GRIK5: variants seen among roughly 807,000 people sequenced by gnomAD.
GRIK5 encodes the protein glutamate receptor ionotropic, kainate 5.
A neutral mutation model predicts 97.4 loss-of-function variants in GRIK5; 43 were observed. That is an observed-to-expected ratio of 0.44 (90% CI 0.35 to 0.57). The LOEUF (loss-of-function observed/expected upper bound fraction) is 0.57, where lower values mean the gene tolerates loss of function less well. Ranked by LOEUF, GRIK5 falls within the 20% of genes least tolerant of loss-of-function variation. The probability of loss-of-function intolerance (pLI) is 0.01; values close to 1 mark genes in which losing one functional copy is unlikely to be tolerated. For synonymous variants in GRIK5, 580 were observed against 583.5 expected (o/e 0.99, Z 0.09); for missense variants, 1,015 against 1,382.0 (o/e 0.73, Z 4.21).
chr19:42,069,014 A>G, intron 1 of GRIK5: 1 of 516,992 alleles, frequency 1.9e-6, no homozygotes, highest in Non-Finnish European at 3.5e-6. Flanking sequence ...CCAGAAAGCT[A>G]GAGGGCCAGG....
rs187063312 is a variant in GRIK5 at position 42,016,916 on chromosome 19, T to C, written c.1871+4385A>G. ...TCTGTGATTATCTGAGCCTAACTCCTTGGTACATTAAAAACCCAAGTTTTT... is the reference window on the plus strand; with the variant it reads ...TCTGTGATTATCTGAGCCTAACTCCCTGGTACATTAAAAACCCAAGTTTTT... On this transcript the variant is annotated intron_variant, in intron 15 of 19. Transcript: ENST00000593562. 8.6e-4 allele frequency among the ~76,000 whole-genome samples: 131 copies of C among 152,154 alleles called. 2 individuals carry two copies. Among genetic ancestry groups the C allele is most frequent in the Non-Finnish European group, 1.7e-3 (113 of 67,992 alleles).
At chr19:42,052,560 C>T (rs950704560) in intron 11 of GRIK5, among the ~76,000 whole-genome samples, 4 of 152,252 alleles carry the variant, frequency 2.6e-5, no homozygotes, top group Non-Finnish European at 4.4e-5. Context: ...GGCCCTCTAA[C>T]ATCCTGCAAA....
At chr19:42,012,488 C>G (rs967362701) in intron 15 of GRIK5, among the ~76,000 whole-genome samples, 2 of 152,110 alleles carry the variant, frequency 1.3e-5, no homozygotes, top group African/African-American at 4.8e-5. Context: ...TGAGCTCAGG[C>G]AATCCGCCCG....
chr19:42,042,721 T>G lies in GRIK5; in HGVS notation c.1304A>C (p.Gln435Pro). 6.2e-7 allele frequency: 1 copy of G among 1,613,658 alleles called. No homozygotes were observed. The highest frequency in any genetic ancestry group is 8.5e-7 in the Non-Finnish European group (1 of 1,179,976). ...GAAGCGTTCGTTCCCCGACAGGGCC[T>G]GGAAGTTGGGCCGGCGCATGACGTA... Reference protein sequence around the residue: ...NPYVMRRPNFQALSGNERFEG... With the variant: ...NPYVMRRPNFPALSGNERFEG... The change falls in exon 12 of 20, where the codon CAG becomes CCG. Residue 435 changes from glutamine to proline, a missense_variant. By Grantham distance (76) the Gln-to-Pro change is moderately conservative. Transcript: ENST00000593562. The surrounding 1 kb of genome is among the most constrained non-coding windows in gnomAD (Gnocchi z 6.9).
Position 42,062,336 on chromosome 19 carries a change from G to A in GRIK5, c.508+152C>T. The A allele has an allele frequency of 1.4e-6, 1 of 691,974 alleles. No homozygotes were observed. The highest frequency in any genetic ancestry group is 1.9e-5 in the South Asian group (1 of 52,744). The allele number at this position is 691,974 out of a possible 1,614,324, so 42.9% of individuals were successfully genotyped here. A position where few individuals can be genotyped will look rare whatever the true frequency, so the allele number is the denominator to read the frequency against. On this transcript the variant is annotated intron_variant, in intron 5 of 19. Coordinates refer to ENST00000593562, the MANE Select transcript of GRIK5 (RefSeq NM_002088.5). This position sits in a 1 kb window ranked among gnomAD's most constrained non-coding sequence, Gnocchi z 5.3. ...GGGAGAGAAGGGGTCTGTAGAACCA[G>A]AGGCCTCGGTTTCTGAAGATGGGAG...
At position 42,065,260 on chromosome 19, in the gene GRIK5, C is replaced by G. The variant is rs773597623; in HGVS notation, c.207G>C (p.Glu69Asp). ...TCTCGTACTGGCTGTCCCGCTGCAG[C>G]TCAAAGATGTCTACTTCCACTCGGG... ...AKARVEVDIF[E>D]LQRDSQYETT... Residue 69 changes from glutamate (E) to aspartate (D), a missense_variant, in exon 3 of 20, where the codon GAG becomes GAC. Around this residue, in one of 5 missense-constraint regions of GRIK5, gnomAD observed 198 missense variants for 218.2 expected, o/e 0.91. Transcript: ENST00000593562. The surrounding 1 kb of genome is among the most constrained non-coding windows in gnomAD (Gnocchi z 5.8). The G allele has an allele frequency of 6.2e-7, 1 of 1,613,256 alleles. No individual in the cohort carries two copies. The highest frequency in any genetic ancestry group is 1.7e-5 in the Admixed American group (1 of 59,982).
Position 42,002,557 on chromosome 19 carries a change from G to C in GRIK5, c.2514+775C>G, listed in dbSNP as rs1437073404. ...ATGCAGAGCTGGGGTCTGGGGAGTA[G>C]ATGTAAGGTCAGCCGCTGGATGTGA... is the stretch of plus-strand genomic sequence containing the variant. On this transcript the variant is annotated intron_variant, in intron 19 of 19. Transcript: ENST00000593562. This position sits in a 1 kb window ranked among gnomAD's most constrained non-coding sequence, Gnocchi z 5.2. 4.5e-6 allele frequency: 3 copies of C among 670,038 alleles called. No homozygotes were observed. The highest frequency in any genetic ancestry group is 3.6e-5 in the African/African-American group (2 of 56,018). 41.5% of individuals were successfully genotyped at this position (670,038 alleles called of 1,614,324 possible). A position where few individuals can be genotyped will look rare whatever the true frequency, so the allele number is the denominator to read the frequency against.
chr19:42,031,207 G>A (rs865920497), intron 12 of GRIK5, among the ~76,000 whole-genome samples: 1 of 152,180 alleles, frequency 6.6e-6, no homozygotes, highest in Non-Finnish European at 1.5e-5. Flanking sequence ...AAATCCATCT[G>A]CCTTCTGTAC....
At chr19:42,031,479 G>T (rs1323348366) in intron 12 of GRIK5, among the ~76,000 whole-genome samples, 5 of 152,142 alleles carry the variant, frequency 3.3e-5, no homozygotes, top group African/African-American at 1.2e-4. Flanking sequence ...CAAGAACTGG[G>T]AAAACACAGG....
intron 15 of GRIK5, among the ~76,000 whole-genome samples, chr19:42,007,096 TC>T (rs1555872903): frequency 6.6e-6 from 1 of 151,682 alleles, no homozygotes; most frequent in Non-Finnish European, 1.5e-5. Flanking sequence ...GAAACTTTTT[TC>T]TTTTTTTTTT....
chr19:42,053,775 C>T (rs1389101780), intron 10 of GRIK5, 50 bp downstream of exon 10: 1 of 1,547,498 alleles, frequency 6.5e-7, no homozygotes, highest in East Asian at 2.2e-5. Context: ...TCTGGGCCCG[C>T]CCCCACCCTC....
Position 42,065,129 on chromosome 19 carries a change from A to T in GRIK5, c.244+94T>A, listed in dbSNP as rs1451342091. On this transcript the variant is annotated intron_variant, in intron 3 of 19. Coordinates refer to ENST00000593562, the MANE Select transcript of GRIK5 (RefSeq NM_002088.5). The surrounding 1 kb of genome is among the most constrained non-coding windows in gnomAD (Gnocchi z 5.8). ...AGAAGGGGGAGGATGGAGCTAGAAG[A>T]GGACAAGGCCAGGCCAGAGGCCAGG... 3.7e-6 allele frequency: 4 copies of T among 1,067,264 alleles called. No homozygotes were observed. Among genetic ancestry groups the T allele is most frequent in the Admixed American group, 4.4e-5 (2 of 44,958 alleles). The allele number at this position is 1,067,264 out of a possible 1,614,324, so 66.1% of individuals were successfully genotyped here.
Position 42,003,563 on chromosome 19 carries a change from C to T in GRIK5, c.2384G>A (p.Arg795Gln), listed in dbSNP as rs1555871620. Residue 795 changes from arginine to glutamine, a missense_variant, in exon 18 of 20, where the codon CGA becomes CAA. Coordinates refer to ENST00000593562, the MANE Select transcript of GRIK5 (RefSeq NM_002088.5). The surrounding 1 kb of genome is among the most constrained non-coding windows in gnomAD (Gnocchi z 4.2). Reference sequence around the variant, plus strand: ...CATACGCGGGAACTGACCTTTAGCTCGATGGTCCTCCTCCTTGGGGCACCG... The same window carrying T: ...CATACGCGGGAACTGACCTTTAGCTTGATGGTCCTCCTCCTTGGGGCACCG... ...GGRCPKEEDHRAKGLGMENIG... is the reference protein window; with the variant it reads ...GGRCPKEEDHQAKGLGMENIG... 1.9e-6 allele frequency: 3 copies of T among 1,610,588 alleles called. No individual in the cohort carries two copies. The highest frequency in any genetic ancestry group is 1.7e-4 in the Middle Eastern group (1 of 6,038).
chr19:42,021,398 G>T lies in GRIK5; in HGVS notation c.1774C>A (p.Leu592Met), dbSNP rs1371332460. 1.9e-6 allele frequency: 3 copies of T among 1,612,930 alleles called. No homozygotes were observed. Among genetic ancestry groups the T allele is most frequent in the African/African-American group, 2.7e-5 (2 of 75,064 alleles). The part of the protein sequence containing the change: ...RPHILENQYT[L>M]GNSLWFPVGG... ...ACGGGAAACCACAGGCTGTTGCCCA[G>T]CGTGTACTGGTTCTCCAGGATGTGG... is the stretch of plus-strand genomic sequence containing the variant. The change falls in exon 15 of 20, where the codon CTG becomes ATG. Residue 592 changes from leucine to methionine, a missense_variant. By Grantham distance (15) the Leu-to-Met change is conservative (BLOSUM62 2). This residue lies in a region of GRIK5 where 477 missense variants were observed against 701.1 expected (regional missense o/e 0.68). Transcript: ENST00000593562. The surrounding 1 kb of genome is among the most constrained non-coding windows in gnomAD (Gnocchi z 4.2).
chr19:42,035,664 C>T (rs2075895066), intron 12 of GRIK5, among the ~76,000 whole-genome samples: 1 of 152,176 alleles, frequency 6.6e-6, no homozygotes, highest in East Asian at 1.9e-4. Context: ...GAGCCAAGAT[C>T]GTGCCACTGC....
In GRIK5 at chr19:42,069,561, G is replaced by A. The variant is rs1483010133; in HGVS notation, c.-371C>T. ...AGGGAGGAAAGGAGGAGAGGAAGGT[G>A]AAAACGGAAGGGGGGGGCACAGGCA... On this transcript the variant is annotated 5_prime_UTR_variant, in exon 1 of 20. Transcript: ENST00000593562. The A allele has an allele frequency of 7.6e-6, 1 of 130,816 alleles. No homozygotes were observed. The highest frequency in any genetic ancestry group is 7.9e-5 in the Admixed American group (1 of 12,628). The allele number at this position is 130,816 out of a possible 1,614,324, so 8.1% of individuals were successfully genotyped here. A position where few individuals can be genotyped will look rare whatever the true frequency, so the allele number is the denominator to read the frequency against.
chr19:42,069,842 C>G lies in GRIK5; in HGVS notation c.-652G>C, dbSNP rs576525259. Among the ~76,000 whole-genome samples the G allele has an allele frequency of 1.6e-3, 238 of 151,954 alleles. No homozygotes were observed. Among genetic ancestry groups the G allele is most frequent in the Non-Finnish European group, 2.6e-3 (174 of 67,900 alleles). On this transcript the variant is annotated 5_prime_UTR_variant, in exon 1 of 20. Coordinates refer to ENST00000593562, the MANE Select transcript of GRIK5 (RefSeq NM_002088.5). ...CCTCAGCCCCCACGGGAAAAGCATG[C>G]TGGGGGCGGGGAGAGCCCGGGAGTG...
rs1009891282 is a variant in GRIK5, at chr19:42,065,053, C to T, written c.244+170G>A. Among the ~76,000 whole-genome samples, 5 of 152,234 alleles carry T rather than the reference C, an allele frequency of 3.3e-5. No homozygotes were observed. The highest frequency in any genetic ancestry group is 9.6e-5 in the African/African-American group (4 of 41,464). ...GCTTATGCTCTCCCTCCTCTCCAAC[C>T]CCCAGGCCCAGCAGCAGCCATGTCT... is the stretch of plus-strand genomic sequence containing the variant. On this transcript the variant is annotated intron_variant, in intron 3 of 19. Transcript: ENST00000593562. The surrounding 1 kb of genome is among the most constrained non-coding windows in gnomAD (Gnocchi z 5.8).
At chr19:42,040,714 G>C (rs1324402884) in intron 12 of GRIK5, among the ~76,000 whole-genome samples, 2 of 152,032 alleles carry the variant, frequency 1.3e-5, no homozygotes, top group Non-Finnish European at 2.9e-5. Flanking sequence ...AAATCAGCCA[G>C]GCACGGTGGC....
Sources: gnomAD v4.1 joint callset for allele counts (sites outside exome capture counted in the v4.1 genomes callset) on GRCh38, gnomAD v4.1.1 for gene constraint, gnomAD v4.1.1 regional missense constraint, Gnocchi (gnomAD v3.1) non-coding constraint, MANE v1.5 for transcripts, NCBI Gene and HGNC (gene_info 2026-07-23, HGNC 2026-07-21) for gene names.